The following TMEM108 variants were observed in gnomAD, a reference collection of about 807,000 sequenced individuals.
The protein encoded by TMEM108 is transmembrane protein 108, also known as cancer/testis antigen 124.
In TMEM108, 12 loss-of-function variants were observed where a neutral mutation model predicts 35.1. That is an observed-to-expected ratio of 0.34 (90% CI 0.22 to 0.55). The LOEUF (loss-of-function observed/expected upper bound fraction) is 0.55, where lower values mean the gene tolerates loss of function less well. Among genes scored for constraint, TMEM108 ranks in the 20% least tolerant of loss-of-function variants. The probability of loss-of-function intolerance (pLI) is 0.89; values close to 1 mark genes in which losing one functional copy is unlikely to be tolerated. For synonymous variants in TMEM108, 287 were observed against 308.6 expected, an observed-to-expected ratio of 0.93 and a Z score of 0.73; for missense variants, 680 against 753.3, an observed-to-expected ratio of 0.90 and a Z score of 1.14.
At chr3:133,331,412 A>T (rs2071391741) in intron 3 of TMEM108, among the ~76,000 whole-genome samples, 1 of 152,204 alleles carries the variant, frequency 6.6e-6, no homozygotes, top group Non-Finnish European at 1.5e-5. Flanking sequence ...TTATGGCCCA[A>T]GCATTAGCAT....
intron 2 of TMEM108, among the ~76,000 whole-genome samples, chr3:133,158,728 A>G (rs1342583281): frequency 2.0e-5 from 3 of 152,142 alleles, no homozygotes; most frequent in Non-Finnish European, 4.4e-5. Context: ...TCCATCTTCC[A>G]GCAGTACTTG....
chr3:133,146,599 T>C (rs1290842153), intron 2 of TMEM108, among the ~76,000 whole-genome samples: 1 of 152,164 alleles, frequency 6.6e-6, no homozygotes, highest in Non-Finnish European at 1.5e-5. Context: ...GGTCATGGGC[T>C]TTTTTTAGTT....
At chr3:133,268,901 C>A (rs192719066) in intron 3 of TMEM108, among the ~76,000 whole-genome samples, 1 of 152,288 alleles carries the variant, frequency 6.6e-6, no homozygotes, top group Admixed American at 6.5e-5. Flanking sequence ...CCTTTCCAAG[C>A]ATTGTCTTTT....
intron 2 of TMEM108, among the ~76,000 whole-genome samples, chr3:133,062,101 A>T (rs530546478): frequency 6.6e-6 from 1 of 152,372 alleles, no homozygotes; most frequent in Non-Finnish European, 1.5e-5. Flanking sequence ...AAAGTCCAAG[A>T]ATGCATTTTC....
At chr3:133,067,916 A>AT (rs1576301252) in intron 2 of TMEM108, among the ~76,000 whole-genome samples, 1 of 152,038 alleles carries the variant, frequency 6.6e-6, no homozygotes, top group East Asian at 1.9e-4. Flanking sequence ...GAAAAAAAAA[A>AT]GAAACTGGAA....
chr3:133,224,864 A>C (rs927525513), intron 2 of TMEM108, among the ~76,000 whole-genome samples: 14 of 124,956 alleles, frequency 1.1e-4, no homozygotes, highest in Non-Finnish European at 1.8e-5. Context: ...TTCATGGGGC[A>C]TCTCCTGTGG....
rs900503490 is a variant in TMEM108 at position 133,396,141 on chromosome 3, A to C, written c.*155A>C. Reference sequence around the variant, plus strand: ...ATGAATTGTCAACATCTTTTTTACAAGTGTGGTTTAAAAAAAAAAAAAACT... The same window carrying C: ...ATGAATTGTCAACATCTTTTTTACACGTGTGGTTTAAAAAAAAAAAAAACT... On this transcript the variant is annotated 3_prime_UTR_variant, in exon 6 of 6. Coordinates refer to ENST00000321871, the MANE Select transcript of TMEM108 (RefSeq NM_023943.4). The C allele has an allele frequency of 8.8e-6, 3 of 342,636 alleles. No individual in the cohort carries two copies. The highest frequency in any genetic ancestry group is 3.4e-5 in the African/African-American group (1 of 29,282). 21.2% of individuals were successfully genotyped at this position (342,636 alleles called of 1,614,324 possible).
chr3:133,378,936 C>T (rs1220245012), intron 3 of TMEM108, among the ~76,000 whole-genome samples: 2 of 151,870 alleles, frequency 1.3e-5, no homozygotes, highest in African/African-American at 2.4e-5. Context: ...ACCATGACAC[C>T]AGCCGGCATT....
At chr3:133,304,439 T>C (rs1033824298) in intron 3 of TMEM108, among the ~76,000 whole-genome samples, 45 of 139,588 alleles carry the variant, frequency 3.2e-4, no homozygotes, top group African/African-American at 1.1e-3. Context: ...TAACCCTCAA[T>C]ATAGTCCAGT....
intron 2 of TMEM108, among the ~76,000 whole-genome samples, chr3:133,195,460 T>C (rs1483931366): frequency 6.6e-6 from 1 of 152,208 alleles, no homozygotes; most frequent in Non-Finnish European, 1.5e-5. Context: ...TTATGTGGGT[T>C]TCCCTCTAGT....
chr3:133,144,021 G>T (rs917592070), intron 2 of TMEM108, among the ~76,000 whole-genome samples: 1 of 149,894 alleles, frequency 6.7e-6, no homozygotes, highest in African/African-American at 2.5e-5. Flanking sequence ...TGTGCAGAAC[G>T]TGCAGCTTTG....
chr3:133,175,149 A>G (rs556349208), intron 2 of TMEM108, among the ~76,000 whole-genome samples: 28 of 152,334 alleles, frequency 1.8e-4, no homozygotes, highest in Non-Finnish European at 4.0e-4. Context: ...AGAAACGAAC[A>G]AAGCCTCCAA....
At position 133,380,304 on chromosome 3, in the gene TMEM108, G is replaced by A. The variant is rs201130351; in HGVS notation, c.593G>A (p.Arg198Gln). 1.7e-5 allele frequency: 27 copies of A among 1,614,116 alleles called. 1 individual carries two copies. The highest frequency in any genetic ancestry group is 6.7e-5 in the African/African-American group (5 of 75,014). ...CACTCCAGGAGTAAAGAAGGACAGC[G>A]AGGACGAAATCCAAGCTCCACACCT... is the stretch of plus-strand genomic sequence containing the variant. ...GGHSRSKEGQ[R>Q]GRNPSSTPLG... Residue 198 changes from arginine to glutamine, a missense_variant, in exon 4 of 6, where the codon CGA (arginine) becomes CAA (glutamine). This residue lies in a region of TMEM108 where 526 missense variants were observed against 532.1 expected (regional missense o/e 0.99). Transcript: ENST00000321871. The surrounding 1 kb of genome is among the most constrained non-coding windows in gnomAD (Gnocchi z 5.3).
At chr3:133,360,007 T>TTAAA (rs371737201) in intron 3 of TMEM108, among the ~76,000 whole-genome samples, 1 of 112,922 alleles carries the variant, frequency 8.9e-6, no homozygotes. Flanking sequence ...ACTCAACAGT[T>TTAAA]AAAAAAAAAA....
chr3:133,308,700 C>T (rs1398966535), intron 3 of TMEM108, among the ~76,000 whole-genome samples: 2 of 152,166 alleles, frequency 1.3e-5, no homozygotes, highest in Admixed American at 6.5e-5. Flanking sequence ...CTTGCATCCG[C>T]GGGGTGAAGC....
At chr3:133,136,411 A>G (rs1944565292) in intron 2 of TMEM108, among the ~76,000 whole-genome samples, 1 of 152,208 alleles carries the variant, frequency 6.6e-6, no homozygotes, top group Non-Finnish European at 1.5e-5. Flanking sequence ...TATGCTTCCT[A>G]CCTGCTCTTT....
At chr3:133,077,935 G>T (rs1156415723) in intron 2 of TMEM108, among the ~76,000 whole-genome samples, 1 of 152,118 alleles carries the variant, frequency 6.6e-6, no homozygotes, top group Non-Finnish European at 1.5e-5. Context: ...GACAGCCCGG[G>T]GGCATTCAGA....
chr3:133,295,201 A>T lies in TMEM108; in HGVS notation c.40+65850A>T, dbSNP rs113857625. On this transcript the variant is annotated intron_variant, in intron 3 of 5. Coordinates refer to ENST00000321871, the MANE Select transcript of TMEM108 (RefSeq NM_023943.4). ...TTGGAGATTGACATCAGTTATCCAAATTTTTTTATGCAGAAACTAGAAAAA... is the reference window on the plus strand; with the variant it reads ...TTGGAGATTGACATCAGTTATCCAATTTTTTTTATGCAGAAACTAGAAAAA... Among the ~76,000 whole-genome samples, 323 of 152,290 alleles carry T rather than the reference A, an allele frequency of 2.1e-3. 1 individual carries two copies. The highest frequency in any genetic ancestry group is 7.6e-3 in the African/African-American group (314 of 41,554).
At chr3:133,141,725 T>C (rs1207817186) in intron 2 of TMEM108, among the ~76,000 whole-genome samples, 3 of 152,100 alleles carry the variant, frequency 2.0e-5, no homozygotes, top group African/African-American at 7.2e-5. Flanking sequence ...GCCCAAACAA[T>C]ATAAAACAAA....
Sources: gnomAD v4.1 joint callset for allele counts (sites outside exome capture counted in the v4.1 genomes callset) on GRCh38, gnomAD v4.1.1 for gene constraint, gnomAD v4.1.1 regional missense constraint, Gnocchi (gnomAD v3.1) non-coding constraint, MANE v1.5 for transcripts, NCBI Gene and HGNC (gene_info 2026-07-23, HGNC 2026-07-21) for gene names.